The following GPR19 variants were observed in gnomAD, a reference collection of about 807,000 sequenced individuals.
GPR19 encodes the protein G protein-coupled receptor 19, also known as probable G protein-coupled receptor 19.
In GPR19, 14 loss-of-function variants were observed where a neutral mutation model predicts 28.5. The ratio of observed to expected loss-of-function variants is 0.49; its 90% CI spans 0.32 to 0.77. GPR19 has a LOEUF of 0.77. GPR19 is among the 30% of genes least tolerant of loss of function. The pLI is 0.03. For synonymous variants in GPR19, 173 were observed against 184.1 expected, an observed-to-expected ratio of 0.94 and a Z score of 0.49; for missense variants, 409 against 504.1, an observed-to-expected ratio of 0.81 and a Z score of 1.81.
chr12:12,715,785 T>TC, the GPR19 span: 2 of 152,232 alleles, frequency 1.3e-5, no homozygotes, highest in South Asian at 4.1e-4. Context: ...AGGAAACCTC[T>TC]CTGAGTCTCG....
rs201023916 is a variant in GPR19, at chr12:12,662,262, C to T, written c.187G>A (p.Gly63Arg). ...AAGATGCTGGCTGTGGCCACTTCCC[C>T]GGGTTTCAGCACATAGTGAAGGTCT... ...QTDLHYVLKP[G>R]EVATASIFFG... The change falls in exon 4 of 4, where the codon GGG becomes AGG. Residue 63 changes from glycine (G) to arginine (R), a missense_variant. Physicochemically the swap from Gly to Arg is moderately radical, Grantham distance 125. Coordinates refer to ENST00000651487, the MANE Select transcript of GPR19 (RefSeq NM_006143.3). 486 of 1,614,082 alleles carry T rather than the reference C, an allele frequency of 3.0e-4. No homozygotes were observed. The highest frequency in any genetic ancestry group is 4.0e-4 in the Non-Finnish European group (470 of 1,180,036).
At chr12:12,686,805 CACAAAGATTGCTTTAAATTATTTGAG>C (rs1487040940) in intron 2 of GPR19, among the ~76,000 whole-genome samples, 3 of 152,188 alleles carry the variant, frequency 2.0e-5, no homozygotes, top group Admixed American at 6.5e-5. Flanking sequence ...CATAAGAAAT[CACAAAGATTGCTTTAAATTATTTGAG>C]ACAAAAAAAA....
At position 12,661,876 on chromosome 12, in the gene GPR19, A is replaced by T. The variant is rs984690362; in HGVS notation, c.573T>A (p.Asp191Glu). Reference protein sequence around the residue: ...KKMIAASWVFDAGFVTPVLFF... With the variant: ...KKMIAASWVFEAGFVTPVLFF... Reference sequence around the variant, plus strand: ...AGAGCACAGGGGTCACAAAGCCTGCATCAAAGACCCACGATGCCGCAATCA... The same window carrying T: ...AGAGCACAGGGGTCACAAAGCCTGCTTCAAAGACCCACGATGCCGCAATCA... Residue 191 changes from aspartate (D) to glutamate (E), a missense_variant, in exon 4 of 4, where the codon GAT becomes GAA. By Grantham distance (45) the Asp-to-Glu change is conservative. Transcript: ENST00000651487. This position sits in a 1 kb window ranked among gnomAD's most constrained non-coding sequence, Gnocchi z 4.2. The T allele has an allele frequency of 1.9e-6, 3 of 1,614,116 alleles. No individual in the cohort carries two copies. In the East Asian group the frequency reaches 6.7e-5, roughly 36 times the overall value.
chr12:12,702,836 G>A, the GPR19 span, among the ~76,000 whole-genome samples: 1 of 152,128 alleles, frequency 6.6e-6, no homozygotes, highest in African/African-American at 2.4e-5. Context: ...AAAAAATGAT[G>A]ATTTAATTTT....
intron 3 of GPR19, 87 bp from the exon 4 acceptor site, chr12:12,662,557 G>T: frequency 1.0e-6 from 1 of 990,348 alleles, no homozygotes. Flanking sequence ...GATCTTATTT[G>T]ACATTTACAT....
chr12:12,694,109 T>G (rs1435262130), intron 2 of GPR19, among the ~76,000 whole-genome samples: 1 of 151,410 alleles, frequency 6.6e-6, no homozygotes, highest in Non-Finnish European at 1.5e-5. Context: ...ATTTAATTGG[T>G]ATAGAGAAAA....
chr12:12,690,904 C>T (rs1946170942), intron 2 of GPR19, among the ~76,000 whole-genome samples: 1 of 152,078 alleles, frequency 6.6e-6, no homozygotes, highest in African/African-American at 2.4e-5. Context: ...TCTATTTGAG[C>T]AAGTTGGAAG....
chr12:12,662,587 T>C, intron 3 of GPR19, 117 bp from the exon 4 acceptor site: 1 of 841,678 alleles, frequency 1.2e-6, no homozygotes, highest in East Asian at 2.6e-5. Context: ...TTTGTCTTTG[T>C]GTAGGACTTG....
chr12:12,666,087 G>A (rs1485667065), intron 3 of GPR19, among the ~76,000 whole-genome samples: 2 of 152,136 alleles, frequency 1.3e-5, no homozygotes, highest in Non-Finnish European at 2.9e-5. Context: ...CATTCCAGGG[G>A]AGAGAGATAG....
chr12:12,683,929 C>T (rs144409690), intron 3 of GPR19, among the ~76,000 whole-genome samples: 42 of 113,052 alleles, frequency 3.7e-4, no homozygotes, highest in African/African-American at 1.3e-3. Context: ...AGGAACAGCA[C>T]GCCTGCCCAC....
At position 12,661,961 on chromosome 12, in the gene GPR19, C is replaced by A. The variant is rs764329998; in HGVS notation, c.488G>T (p.Arg163Leu). The change falls in exon 4 of 4, where the codon CGG (arginine) becomes CTG (leucine). Residue 163 changes from arginine to leucine, a missense_variant. By Grantham distance (102) the Arg-to-Leu change is moderately radical. Transcript: ENST00000651487. This position sits in a 1 kb window ranked among gnomAD's most constrained non-coding sequence, Gnocchi z 4.2. ...IYVLLSICID[R>L]FYTIVYPLSF... ...CAGAGGATAGACGATGGTGTAGAAC[C>A]GGTCTATGCAGATGGAGAGGAGAAC... 6.2e-7 allele frequency: 1 copy of A among 1,612,610 alleles called. No individual in the cohort carries two copies. Among genetic ancestry groups the A allele is most frequent in the Non-Finnish European group, 8.5e-7 (1 of 1,179,460 alleles).
In GPR19 at chr12:12,667,023, G is replaced by T. The variant is rs1357739203; in HGVS notation, c.-22-4553C>A. Among the ~76,000 whole-genome samples, 3 of 152,128 alleles carry T rather than the reference G, an allele frequency of 2.0e-5. No homozygotes were observed. In the East Asian group the frequency reaches 5.8e-4, roughly 29 times the overall value. On this transcript the variant is annotated intron_variant, in intron 3 of 3. Transcript: ENST00000651487. ...TGCCATATTATAACTAAATTCTAGG[G>T]TCCCAAAGTAAAGTTTCAGAAAGGC...
upstream of GPR19, among the ~76,000 whole-genome samples, chr12:12,700,140 TTC>T (rs1415001219): frequency 3.5e-5 from 3 of 86,948 alleles, no homozygotes; most frequent in African/African-American, 1.1e-4. Flanking sequence ...GGCCTCTCTC[TTC>T]TTTTTTCTCT....
intron 2 of GPR19, among the ~76,000 whole-genome samples, chr12:12,687,371 A>C (rs1286585779): frequency 1.3e-5 from 2 of 152,214 alleles, no homozygotes; most frequent in Non-Finnish European, 2.9e-5. Flanking sequence ...TCTGTACTAT[A>C]GACCTCTGGC....
At chr12:12,685,265 C>CACACT (rs1946077578) in intron 2 of GPR19, among the ~76,000 whole-genome samples, 1 of 140,058 alleles carries the variant, frequency 7.1e-6, no homozygotes, top group Non-Finnish European at 1.5e-5. Flanking sequence ...TAAATATGGT[C>CACACT]TTTTTTTTTT....
chr12:12,678,585 C>T (rs1211122982), intron 3 of GPR19, among the ~76,000 whole-genome samples: 1 of 152,194 alleles, frequency 6.6e-6, no homozygotes, highest in Admixed American at 6.6e-5. Context: ...TACTAATGAG[C>T]ACTTTTCTTG....
the GPR19 span, among the ~76,000 whole-genome samples, chr12:12,704,113 G>A: frequency 7.9e-5 from 12 of 152,210 alleles, no homozygotes; most frequent in Admixed American, 5.2e-4. Flanking sequence ...GCAACCAATC[G>A]TGTGTGACTA....
At chr12:12,711,146 T>C in the GPR19 span, among the ~76,000 whole-genome samples, 1 of 151,792 alleles carries the variant, frequency 6.6e-6, no homozygotes, top group African/African-American at 2.4e-5. Context: ...ATACAAACAT[T>C]AGCTGGGTGT....
chr12:12,664,638 G>A lies in GPR19; in HGVS notation c.-22-2168C>T, dbSNP rs1378918328. Among the ~76,000 whole-genome samples the A allele has an allele frequency of 1.3e-5, 2 of 151,992 alleles. 1 individual carries two copies. The highest frequency in any genetic ancestry group is 4.8e-5 in the African/African-American group (2 of 41,394). On this transcript the variant is annotated intron_variant, in intron 3 of 3. Coordinates refer to ENST00000651487, the MANE Select transcript of GPR19 (RefSeq NM_006143.3). ...CATACACTTTCCATATAAGAAATCA[G>A]GGCCAGGCGCGGTGGCTCATGCCTG...
Sources: allele counts gnomAD v4.1 joint callset (sites outside exome capture counted in the v4.1 genomes callset), GRCh38; gene constraint gnomAD v4.1.1; non-coding constraint Gnocchi (gnomAD v3.1); transcripts MANE v1.5; gene names NCBI Gene and HGNC (gene_info 2026-07-23, HGNC 2026-07-21).